UNC13B: variants seen among roughly 807,000 people sequenced by gnomAD.
UNC13B encodes the protein unc-13 homolog B.
In UNC13B, 144 loss-of-function variants were observed where a neutral mutation model predicts 211.0. The observed-to-expected ratio is 0.68, with a 90% confidence interval of 0.60 to 0.78. The LOEUF (loss-of-function observed/expected upper bound fraction) is 0.78. Among genes scored for constraint, UNC13B ranks in the 30% least tolerant of loss-of-function variants. UNC13B has a pLI of 0.00. For missense variants in UNC13B, 1,777 were observed against 2,002.0 expected (o/e 0.89, Z 2.14); for synonymous variants, 709 against 725.8 (o/e 0.98, Z 0.37).
rs144271969 is a variant in UNC13B at position 35,189,831 on chromosome 9, G to A, written c.22+27526G>A. Among the ~76,000 whole-genome samples, 1,118 of 152,112 alleles carry A rather than the reference G, an allele frequency of 7.3e-3. 12 individuals carry two copies. Among genetic ancestry groups the A allele is most frequent in the African/African-American group, 0.025 (1,038 of 41,522 alleles). On this transcript the variant is annotated intron_variant, in intron 1 of 39. Coordinates refer to ENST00000635942, the MANE Select transcript of UNC13B (RefSeq NM_001371189.2). ...ATTACAAGCATGCACCACCACACCC[G>A]GATAATTTTTTATATTTTTAGTAGA...
At chr9:35,291,660 C>G (rs1301678872) in intron 7 of UNC13B, among the ~76,000 whole-genome samples, 1 of 152,154 alleles carries the variant, frequency 6.6e-6, no homozygotes, top group South Asian at 2.1e-4. Flanking sequence ...CTGAAGCAGC[C>G]CAGCTAAGGC....
rs1827075218 is a variant in UNC13B at position 35,258,588 on chromosome 9, A to G, written c.469-405A>G. 2.0e-5 allele frequency among the ~76,000 whole-genome samples: 3 copies of G among 152,196 alleles called. No homozygotes were observed. The South Asian group carries it at 6.2e-4, about 32-fold the overall frequency. On this transcript the variant is annotated intron_variant, in intron 6 of 39. Transcript: ENST00000635942. Reference sequence around the variant, plus strand: ...AGCACTATTACTTAAAAATGAGAAAACAGCCCCAGACAGGTTTTCACTTGC... The same window carrying G: ...AGCACTATTACTTAAAAATGAGAAAGCAGCCCCAGACAGGTTTTCACTTGC...
intron 6 of UNC13B, among the ~76,000 whole-genome samples, chr9:35,247,880 G>C (rs1349248959): frequency 6.6e-6 from 1 of 152,176 alleles, no homozygotes; most frequent in East Asian, 1.9e-4. Context: ...AAATGAGTTA[G>C]GGAGGATTCC....
At chr9:35,284,727 G>T (rs1158752450) in intron 7 of UNC13B, among the ~76,000 whole-genome samples, 1 of 152,186 alleles carries the variant, frequency 6.6e-6, no homozygotes, top group Non-Finnish European at 1.5e-5. Flanking sequence ...TAGAAAAAGG[G>T]AAGAGAATAA....
intron 7 of UNC13B, among the ~76,000 whole-genome samples, chr9:35,281,936 G>C (rs1828518957): frequency 6.6e-6 from 1 of 152,180 alleles, no homozygotes; most frequent in Admixed American, 6.5e-5. Flanking sequence ...GGAATAAGAA[G>C]AGTGGGGAAG....
intron 1 of UNC13B, among the ~76,000 whole-genome samples, chr9:35,208,479 T>C (rs998645231): frequency 6.6e-6 from 1 of 152,222 alleles, no homozygotes; most frequent in Admixed American, 6.5e-5. Context: ...AGAAGAGGTT[T>C]AATTGGCTCA....
At chr9:35,284,484 C>T (rs1828681005) in intron 7 of UNC13B, among the ~76,000 whole-genome samples, 1 of 152,008 alleles carries the variant, frequency 6.6e-6, no homozygotes, top group Non-Finnish European at 1.5e-5. Flanking sequence ...TCATCTTTGC[C>T]TTTCTAAAAT....
At chr9:35,168,753 G>C (rs1389497869) in intron 1 of UNC13B, among the ~76,000 whole-genome samples, 1 of 151,094 alleles carries the variant, frequency 6.6e-6, no homozygotes, top group Non-Finnish European at 1.5e-5. Flanking sequence ...CCAGGCTGGG[G>C]TGCAGTGGCA....
chr9:35,239,480 C>T (rs954266099), intron 5 of UNC13B, among the ~76,000 whole-genome samples: 4 of 152,086 alleles, frequency 2.6e-5, no homozygotes, highest in African/African-American at 9.7e-5. Flanking sequence ...GGAGGCAGAG[C>T]GAGATCACAG....
chr9:35,169,266 A>G (rs1454517216), intron 1 of UNC13B, among the ~76,000 whole-genome samples: 2 of 152,112 alleles, frequency 1.3e-5, no homozygotes, highest in African/African-American at 4.8e-5. Flanking sequence ...AGGCAGGAGG[A>G]TGGCTTGAGT....
chr9:35,227,288 G>C (rs1012190344), intron 1 of UNC13B, among the ~76,000 whole-genome samples: 4 of 152,208 alleles, frequency 2.6e-5, no homozygotes, highest in Admixed American at 6.5e-5. Context: ...TGCAGGATAA[G>C]GAGAATGGCA....
At position 35,381,031 on chromosome 9, in the gene UNC13B, A is replaced by G. The variant is rs1239442024; in HGVS notation, c.10376-69A>G. On this transcript the variant is annotated intron_variant, in intron 18 of 39. Coordinates refer to ENST00000635942, the MANE Select transcript of UNC13B (RefSeq NM_001371189.2). ...TTGGCCCCTTCTCTTCCTTGGGTTA[A>G]GCCAGAATGGAACTATCTATGCTGT... 5 of 1,478,656 alleles carry G rather than the reference A, an allele frequency of 3.4e-6. No individual in the cohort carries two copies. The East Asian group carries it at 7.1e-5, about 21-fold the overall frequency. The allele number at this position is 1,478,656 out of a possible 1,614,324, so 91.6% of individuals were successfully genotyped here. A position where few individuals can be genotyped will look rare whatever the true frequency, so the allele number is the denominator to read the frequency against.
chr9:35,282,450 TG>T (rs1828552649), intron 7 of UNC13B, among the ~76,000 whole-genome samples: 1 of 152,114 alleles, frequency 6.6e-6, no homozygotes, highest in African/African-American at 2.4e-5. Flanking sequence ...GTTTTGTTTT[TG>T]GGATAGTCTC....
intron 12 of UNC13B, among the ~76,000 whole-genome samples, chr9:35,368,758 G>C (rs10972448): frequency 0.083 from 12,314 of 149,226 alleles, 647 homozygotes; most frequent in East Asian, 0.3. Context: ...TTTAATCAAG[G>C]GTGAATCATT....
chr9:35,386,423 A>C (rs1835195805), intron 24 of UNC13B, 130 bp downstream of exon 24: 2 of 1,281,164 alleles, frequency 1.6e-6, no homozygotes. Context: ...TGAGTTGTGG[A>C]GTATGAACCA....
At chr9:35,354,960 G>A (rs1013877211) in intron 11 of UNC13B, among the ~76,000 whole-genome samples, 13 of 152,152 alleles carry the variant, frequency 8.5e-5, no homozygotes, top group Non-Finnish European at 1.6e-4. Flanking sequence ...TATTTTTGAA[G>A]CATAGCTTTT....
chr9:35,167,586 G>GTTTT (rs35751450), intron 1 of UNC13B, among the ~76,000 whole-genome samples: 19 of 114,978 alleles, frequency 1.7e-4, no homozygotes, highest in South Asian at 2.7e-4. Flanking sequence ...ATCTTTGTAG[G>GTTTT]TTTTTTTTTT....
intron 3 of UNC13B, 31 bp downstream of exon 3, chr9:35,231,250 A>G (rs751818272): frequency 2.2e-6 from 3 of 1,376,442 alleles, no homozygotes; most frequent in Non-Finnish European, 3.1e-6. Flanking sequence ...GTGTGCCTAC[A>G]TATTTTATAA....
chr9:35,382,574 T>C (rs1212438219), intron 21 of UNC13B, 67 bp downstream of exon 21: 31 of 1,550,118 alleles, frequency 2.0e-5, no homozygotes, highest in Non-Finnish European at 2.6e-5. Flanking sequence ...TTTTTTTTTT[T>C]TTTTTTGAGA....
Sources: allele counts gnomAD v4.1 joint callset (sites outside exome capture counted in the v4.1 genomes callset), GRCh38; gene constraint gnomAD v4.1.1; transcripts MANE v1.5; gene names NCBI Gene and HGNC (gene_info 2026-07-23, HGNC 2026-07-21).